The following FBXO36 variants were observed in gnomAD, a reference collection of about 807,000 sequenced individuals.
The protein encoded by FBXO36 is F-box only protein 36.
In FBXO36, 18 loss-of-function variants were observed where a neutral mutation model predicts 17.0. The observed-to-expected ratio is 1.06, with a 90% confidence interval of 0.73 to 1.57. The LOEUF is 1.57. FBXO36 is among the 40% of genes most tolerant of loss of function. The pLI, the probability that FBXO36 is intolerant of heterozygous loss-of-function variation, is 0.00. For missense variants in FBXO36, 229 were observed against 221.9 expected, an observed-to-expected ratio of 1.03 and a Z score of -0.20; for synonymous variants, 83 against 85.3, an observed-to-expected ratio of 0.97 and a Z score of 0.15.
In FBXO36 at chr2:230,012,124, C is replaced by G. The variant is rs1159996356; in HGVS notation, c.*1240C>G. 1 of 152,194 alleles carries G rather than the reference C, an allele frequency of 6.6e-6. No individual in the cohort carries two copies. Among genetic ancestry groups the G allele is most frequent in the African/African-American group, 2.4e-5 (1 of 41,438 alleles). 9.4% of individuals were successfully genotyped at this position (152,194 alleles called of 1,614,324 possible). On this transcript the variant is annotated 3_prime_UTR_variant, in exon 4 of 4. Transcript: ENST00000283946. ...TCTTCTTTCCTGCAACCTTCACTTT[C>G]CTACCTAGGAAAACTCACCTCCGGT...
intron 3 of FBXO36, among the ~76,000 whole-genome samples, chr2:230,000,175 T>C (rs1012532469): frequency 9.2e-5 from 14 of 151,528 alleles, no homozygotes; most frequent in Non-Finnish European, 8.8e-5. Flanking sequence ...CTGGCCAACA[T>C]AGGGAAACCA....
chr2:229,986,437 C>T (rs954457359), intron 2 of FBXO36, among the ~76,000 whole-genome samples: 16 of 151,800 alleles, frequency 1.1e-4, no homozygotes, highest in Admixed American at 2.6e-4. Flanking sequence ...CAAGAGGTCA[C>T]GGCTGCTGTG....
At chr2:229,938,194 C>T (rs1465595527) in intron 1 of FBXO36, among the ~76,000 whole-genome samples, 1 of 143,570 alleles carries the variant, frequency 7.0e-6, no homozygotes, top group Non-Finnish European at 1.5e-5. Flanking sequence ...CGCGCCCAAC[C>T]GGATTGGTTA....
intron 2 of FBXO36, among the ~76,000 whole-genome samples, chr2:229,984,772 G>A (rs2077259785): frequency 1.3e-5 from 2 of 152,042 alleles, no homozygotes; most frequent in South Asian, 4.2e-4. Flanking sequence ...CTGTTCTTTT[G>A]CAAGGATGTA....
chr2:229,951,127 G>A (rs887129797), intron 1 of FBXO36, among the ~76,000 whole-genome samples: 2 of 151,826 alleles, frequency 1.3e-5, no homozygotes, highest in African/African-American at 4.8e-5. Context: ...TAGAGACAGG[G>A]TTTCACCTTG....
At chr2:229,928,576 C>G (rs1178808517) in intron 1 of FBXO36, among the ~76,000 whole-genome samples, 1 of 152,128 alleles carries the variant, frequency 6.6e-6, no homozygotes, top group African/African-American at 2.4e-5. Context: ...CACCTTTCAC[C>G]CACCTCCCTC....
intron 1 of FBXO36, among the ~76,000 whole-genome samples, chr2:229,969,529 A>T (rs2077170612): frequency 6.6e-6 from 1 of 152,158 alleles, no homozygotes; most frequent in Admixed American, 6.6e-5. Context: ...TCTACTAAAA[A>T]TACAAAAAAT....
rs562373042 is a variant in FBXO36 at position 230,010,992 on chromosome 2, G to A, written c.*108G>A. ...AAGAACTAAGAGGTTTTGTTGATGC[G>A]TGGAGCCATTTGAAACTCGTAGGGG... On this transcript the variant is annotated 3_prime_UTR_variant, in exon 4 of 4. Coordinates refer to ENST00000283946, the MANE Select transcript of FBXO36 (RefSeq NM_174899.5). 2.9e-5 allele frequency: 35 copies of A among 1,201,324 alleles called. No homozygotes were observed. Among genetic ancestry groups the A allele is most frequent in the Admixed American group, 5.5e-5 (2 of 36,060 alleles). The allele number at this position is 1,201,324 out of a possible 1,614,324, so 74.4% of individuals were successfully genotyped here.
At chr2:229,977,716 C>T (rs1045938161) in intron 2 of FBXO36, among the ~76,000 whole-genome samples, 1 of 152,096 alleles carries the variant, frequency 6.6e-6, no homozygotes, top group Non-Finnish European at 1.5e-5. Flanking sequence ...TCCCAGAGTG[C>T]TGGAATTACA....
At chr2:229,980,696 A>T (rs2077234679) in intron 2 of FBXO36, among the ~76,000 whole-genome samples, 1 of 152,080 alleles carries the variant, frequency 6.6e-6, no homozygotes, top group African/African-American at 2.4e-5. Flanking sequence ...GGAAGAGAAA[A>T]GGCAATATAG....
intron 2 of FBXO36, among the ~76,000 whole-genome samples, chr2:229,994,545 G>A (rs758886887): frequency 2.6e-5 from 4 of 152,182 alleles, no homozygotes; most frequent in African/African-American, 7.2e-5. Context: ...TCACAGTTCC[G>A]CCTGCTTCTG....
At chr2:229,980,951 T>C (rs2106198589) in intron 2 of FBXO36, among the ~76,000 whole-genome samples, 1 of 152,184 alleles carries the variant, frequency 6.6e-6, no homozygotes, top group East Asian at 1.9e-4. Context: ...CTCCAAACCA[T>C]GGTGTTGGTA....
At chr2:229,955,243 C>T (rs1051800443) in intron 1 of FBXO36, among the ~76,000 whole-genome samples, 1 of 152,084 alleles carries the variant, frequency 6.6e-6, no homozygotes, top group Non-Finnish European at 1.5e-5. Context: ...TTTTCAGTAA[C>T]ACACTATGAA....
At chr2:229,954,117 G>A (rs1236659745) in intron 1 of FBXO36, among the ~76,000 whole-genome samples, 2 of 151,948 alleles carry the variant, frequency 1.3e-5, no homozygotes, top group East Asian at 1.9e-4. Flanking sequence ...TTCCACATTG[G>A]CCTCTCAAAG....
In FBXO36 at chr2:230,004,617, T is replaced by C. The variant is rs566424190; in HGVS notation, c.379-6079T>C. ...TGGGATGTGCAAGTACATATACCGG[T>C]ACACACACCCTTCTAAAAAGCATGT... On this transcript the variant is annotated intron_variant, in intron 3 of 3. Coordinates refer to ENST00000283946, the MANE Select transcript of FBXO36 (RefSeq NM_174899.5). Among the ~76,000 whole-genome samples, 8 of 152,306 alleles carry C rather than the reference T, an allele frequency of 5.3e-5. 1 individual carries two copies. In the South Asian group the frequency reaches 1.7e-3, roughly 32 times the overall value.
chr2:230,006,481 G>A (rs572879840), intron 3 of FBXO36, among the ~76,000 whole-genome samples: 3 of 152,252 alleles, frequency 2.0e-5, no homozygotes, highest in Admixed American at 6.6e-5. Context: ...TCAGGCACCC[G>A]ACTGCTGGAC....
At chr2:230,008,634 A>G (rs2077399718) in intron 3 of FBXO36, among the ~76,000 whole-genome samples, 1 of 152,222 alleles carries the variant, frequency 6.6e-6, no homozygotes, top group South Asian at 2.1e-4. Flanking sequence ...GTTTCCACCC[A>G]TAATCTCTAT....
intron 1 of FBXO36, among the ~76,000 whole-genome samples, chr2:229,951,942 C>T (rs760894536): frequency 2.6e-5 from 4 of 152,092 alleles, no homozygotes; most frequent in Admixed American, 2.0e-4. Context: ...AATATTGACA[C>T]GAAAGCTCTC....
chr2:229,990,189 T>C (rs2077291317), intron 2 of FBXO36, among the ~76,000 whole-genome samples: 1 of 150,066 alleles, frequency 6.7e-6, no homozygotes, highest in Non-Finnish European at 1.5e-5. Context: ...ATAGTACCCA[T>C]CCAATAGGGT....
Sources: allele counts gnomAD v4.1 joint callset (sites outside exome capture counted in the v4.1 genomes callset), GRCh38; gene constraint gnomAD v4.1.1; transcripts MANE v1.5; gene names NCBI Gene and HGNC (gene_info 2026-07-23, HGNC 2026-07-21).